Variants in BIN3 observed in about 807,000 individuals in gnomAD.
The protein encoded by BIN3 is bridging integrator 3.
In BIN3, 41 loss-of-function variants were observed where a neutral mutation model predicts 38.2. That is an observed-to-expected ratio of 1.07 (90% CI 0.84 to 1.39). BIN3 has a LOEUF of 1.39. Ranked by LOEUF, BIN3 falls within the 40% of genes most tolerant of loss-of-function variation. BIN3 has a pLI of 0.00. For synonymous variants in BIN3, 145 were observed against 122.6 expected, an observed-to-expected ratio of 1.18 and a Z score of -1.21; for missense variants, 361 against 324.3, an observed-to-expected ratio of 1.11 and a Z score of -0.87.
chr8:22,644,754 C>G lies in BIN3; in HGVS notation c.57+1G>C. 6.2e-7 allele frequency: 1 copy of G among 1,611,388 alleles called. No individual in the cohort carries two copies. Among genetic ancestry groups the G allele is most frequent in the South Asian group, 1.1e-5 (1 of 90,384 alleles). On this transcript the variant is annotated splice_donor_variant, in intron 2 of 8. Transcript: ENST00000276416. LOFTEE classifies it high-confidence loss of function. ...CACAGCAAAACAATCGAGTTACTCA[C>G]TGTTTTGGGCACAATCTGTTTCTTG...
intron 1 of BIN3, among the ~76,000 whole-genome samples, chr8:22,667,585 C>T (rs994711419): frequency 6.6e-6 from 1 of 152,068 alleles, no homozygotes; most frequent in Admixed American, 6.5e-5. Flanking sequence ...GACGTAATTC[C>T]TCTGGGAAAG....
intron 8 of BIN3, 121 bp from the exon 9 acceptor site, chr8:22,621,689 G>T: frequency 9.3e-7 from 1 of 1,079,072 alleles, no homozygotes; most frequent in Non-Finnish European, 1.3e-6. Flanking sequence ...GTGCAGCAGC[G>T]TGCCTTTGGG....
intron 2 of BIN3, among the ~76,000 whole-genome samples, chr8:22,640,125 A>G (rs1802497494): frequency 6.6e-6 from 1 of 151,834 alleles, no homozygotes; most frequent in African/African-American, 2.4e-5. Flanking sequence ...GGCCTCCCAA[A>G]GTGTTGGGAT....
rs1377789573 is a variant in BIN3 at position 22,620,869 on chromosome 8, A to AC, written c.*552dup. On this transcript the variant is annotated 3_prime_UTR_variant, in exon 9 of 9. Coordinates refer to ENST00000276416, the MANE Select transcript of BIN3 (RefSeq NM_018688.6). ...GTACCAGTCCTCAGTGACCTCGGGA[A>AC]CCCCAACCACTTAGGTCCCAAAGCC... 1 of 151,678 alleles carries AC rather than the reference A, an allele frequency of 6.6e-6. No homozygotes were observed. The highest frequency in any genetic ancestry group is 1.5e-5 in the Non-Finnish European group (1 of 68,002). 9.4% of individuals were successfully genotyped at this position (151,678 alleles called of 1,614,324 possible).
chr8:22,633,006 G>A (rs2117524500), intron 4 of BIN3, among the ~76,000 whole-genome samples: 1 of 152,152 alleles, frequency 6.6e-6, no homozygotes, highest in South Asian at 2.1e-4. Flanking sequence ...ACTGCGCCCA[G>A]CCCAGCTGCA....
At position 22,620,455 on chromosome 8, in the gene BIN3, C is replaced by T. The variant is rs1185772214; in HGVS notation, c.*967G>A. On this transcript the variant is annotated 3_prime_UTR_variant, in exon 9 of 9. Coordinates refer to ENST00000276416, the MANE Select transcript of BIN3 (RefSeq NM_018688.6). ...TTTTTTGGCTTGTTTTTTAAATAAA[C>T]CAAAGTCAAAAACAAACTGAGAGTG... 1 of 93,700 alleles carries T rather than the reference C, an allele frequency of 1.1e-5. No individual in the cohort carries two copies. Among genetic ancestry groups the T allele is most frequent in the Non-Finnish European group, 2.2e-5 (1 of 45,544 alleles). The allele number at this position is 93,700 out of a possible 1,614,324, so 5.8% of individuals were successfully genotyped here.
chr8:22,631,174 G>T (rs1802186947), intron 4 of BIN3, among the ~76,000 whole-genome samples: 1 of 152,166 alleles, frequency 6.6e-6, no homozygotes. Flanking sequence ...AACTAGGTCA[G>T]ATTAGGCCAG....
At chr8:22,653,154 T>C (rs1040148055) in intron 1 of BIN3, among the ~76,000 whole-genome samples, 3 of 152,228 alleles carry the variant, frequency 2.0e-5, no homozygotes, top group African/African-American at 7.2e-5. Context: ...TTGTCATTAA[T>C]GTCTGTCTTT....
chr8:22,647,903 A>G (rs112495972), intron 1 of BIN3, among the ~76,000 whole-genome samples: 50,057 of 151,752 alleles, frequency 0.33, 8,628 homozygotes, highest in East Asian at 0.66. Context: ...GAGGCGGGTG[A>G]ATCACGAGGT....
chr8:22,631,365 T>C (rs1327178442), intron 4 of BIN3, among the ~76,000 whole-genome samples: 2 of 152,070 alleles, frequency 1.3e-5, no homozygotes, highest in African/African-American at 4.8e-5. Context: ...TTGTAAATAA[T>C]GGAAACCTGG....
In BIN3 at chr8:22,635,690, C is replaced by G. The variant is rs766818510; in HGVS notation, c.160+835G>C. Among the ~76,000 whole-genome samples the G allele has an allele frequency of 7.2e-5, 11 of 152,216 alleles. No homozygotes were observed. In the East Asian group the frequency reaches 2.1e-3, roughly 29 times the overall value. On this transcript the variant is annotated intron_variant, in intron 4 of 8. Transcript: ENST00000276416. ...TACCTGTGCTTCTCGGGTGACGGAA[C>G]TGAGGTAGAGCTAAGTCAGCTGTCC...
At chr8:22,661,349 A>ATTTTT (rs1563985988) in intron 1 of BIN3, among the ~76,000 whole-genome samples, 77 of 66,646 alleles carry the variant, frequency 1.2e-3, no homozygotes, top group Non-Finnish European at 1.5e-3. Context: ...TGAATGTATC[A>ATTTTT]TTCTTTTTTT....
At chr8:22,640,499 C>A (rs896849641) in intron 2 of BIN3, among the ~76,000 whole-genome samples, 1 of 152,144 alleles carries the variant, frequency 6.6e-6, no homozygotes, top group Non-Finnish European at 1.5e-5. Context: ...CACATCTTTC[C>A]TCTAACCTTG....
chr8:22,630,905 A>G (rs1802175081), intron 4 of BIN3, among the ~76,000 whole-genome samples: 1 of 152,212 alleles, frequency 6.6e-6, no homozygotes, highest in African/African-American at 2.4e-5. Context: ...TAAACCCGGT[A>G]CCCAAGAATA....
intron 1 of BIN3, among the ~76,000 whole-genome samples, chr8:22,664,499 C>T (rs1335392747): frequency 6.6e-6 from 1 of 152,230 alleles, no homozygotes; most frequent in Non-Finnish European, 1.5e-5. Context: ...TTACAGAACA[C>T]CTAGAGGTCT....
chr8:22,637,631 G>A (rs779876514), intron 2 of BIN3, among the ~76,000 whole-genome samples: 39 of 152,192 alleles, frequency 2.6e-4, no homozygotes, highest in East Asian at 1.9e-4. Context: ...CACTTGTTGC[G>A]GAAGATGAAG....
At chr8:22,625,776 C>T (rs1356988403) in intron 6 of BIN3, 9 of 194,218 alleles carry the variant, frequency 4.6e-5, no homozygotes, top group East Asian at 1.1e-4. Flanking sequence ...TTAGTGGAGA[C>T]GGGGTTTCAC....
chr8:22,651,466 CCT>C (rs1204513821), intron 1 of BIN3, among the ~76,000 whole-genome samples: 5 of 152,190 alleles, frequency 3.3e-5, no homozygotes, highest in African/African-American at 1.2e-4. Context: ...CCCTGATCCT[CCT>C]CTTTCTTCAT....
chr8:22,624,927 T>G, intron 6 of BIN3: 1 of 240,788 alleles, frequency 4.2e-6, no homozygotes, highest in Non-Finnish European at 8.2e-6. Context: ...TTTCCAGCCC[T>G]CACAGTGCCA....
Sources: gnomAD v4.1 joint callset for allele counts (sites outside exome capture counted in the v4.1 genomes callset) on GRCh38, gnomAD v4.1.1 for gene constraint, MANE v1.5 for transcripts, NCBI Gene and HGNC (gene_info 2026-07-23, HGNC 2026-07-21) for gene names.